Variants in DIPK1A observed in about 807,000 individuals in gnomAD.
The protein encoded by DIPK1A is family with sequence similarity 69 member A.
In DIPK1A, 27 loss-of-function variants were observed where a neutral mutation model predicts 40.8. The ratio of observed to expected loss-of-function variants is 0.66; its 90% CI spans 0.49 to 0.91. DIPK1A has a LOEUF of 0.91. DIPK1A is among the 40% of genes least tolerant of loss of function. The pLI, the probability that DIPK1A is intolerant of heterozygous loss-of-function variation, is 0.00. For synonymous variants in DIPK1A, 166 were observed against 171.3 expected (o/e 0.97, Z 0.24); for missense variants, 412 against 505.7 (o/e 0.81, Z 1.78).
chr1:92,900,365 A>T (rs946656202), intron 1 of DIPK1A, among the ~76,000 whole-genome samples: 1 of 151,702 alleles, frequency 6.6e-6, no homozygotes, highest in Non-Finnish European at 1.5e-5. Context: ...AAATCCAGAG[A>T]TTCTTCTGCT....
At chr1:92,921,779 A>G (rs987890904) in intron 1 of DIPK1A, among the ~76,000 whole-genome samples, 2 of 152,204 alleles carry the variant, frequency 1.3e-5, no homozygotes, top group Non-Finnish European at 2.9e-5. Context: ...AGTCATCTAT[A>G]AAAGGTACAA....
At chr1:92,833,797 A>G in intron 4 of DIPK1A, 2 of 716,902 alleles carry the variant, frequency 2.8e-6, no homozygotes, top group Non-Finnish European at 2.4e-6. Flanking sequence ...TCCTTTTAGT[A>G]GGTCTAGAAT....
intron 1 of DIPK1A, among the ~76,000 whole-genome samples, chr1:92,954,455 G>A (rs956937309): frequency 2.4e-5 from 3 of 127,094 alleles, no homozygotes; most frequent in Non-Finnish European, 4.7e-5. Context: ...TTGGCTCACT[G>A]CAACCTCCAA....
At chr1:92,888,970 C>A (rs923944580) in intron 1 of DIPK1A, among the ~76,000 whole-genome samples, 1 of 152,126 alleles carries the variant, frequency 6.6e-6, no homozygotes, top group East Asian at 1.9e-4. Context: ...CACGTTGTCT[C>A]TTCACTCTGT....
intron 1 of DIPK1A, among the ~76,000 whole-genome samples, chr1:92,936,839 T>C (rs768609409): frequency 3.9e-5 from 6 of 152,164 alleles, no homozygotes; most frequent in African/African-American, 9.7e-5. Context: ...AGATCTTTGG[T>C]GAAAACTGTA....
At chr1:92,854,474 C>T (rs771166579) in intron 2 of DIPK1A, among the ~76,000 whole-genome samples, 6 of 152,178 alleles carry the variant, frequency 3.9e-5, no homozygotes, top group Admixed American at 1.3e-4. Context: ...GCCTCCTGTA[C>T]CCTCCTACCA....
intron 1 of DIPK1A, among the ~76,000 whole-genome samples, chr1:92,883,090 T>C (rs1648451239): frequency 6.6e-6 from 1 of 152,202 alleles, no homozygotes; most frequent in Non-Finnish European, 1.5e-5. Flanking sequence ...CTGAAGACTA[T>C]AATCCTTTCC....
intron 1 of DIPK1A, among the ~76,000 whole-genome samples, chr1:92,877,490 A>T (rs1243201315): frequency 6.6e-6 from 1 of 152,236 alleles, no homozygotes; most frequent in Non-Finnish European, 1.5e-5. Context: ...AGAGAGACAT[A>T]AGCACACCTG....
intron 2 of DIPK1A, among the ~76,000 whole-genome samples, chr1:92,869,732 T>G (rs1279077505): frequency 6.9e-6 from 1 of 144,642 alleles, no homozygotes; most frequent in Non-Finnish European, 1.6e-5. Flanking sequence ...TTTAAGATTA[T>G]GCAGTTTTAT....
chr1:92,946,672 G>A (rs1004716236), intron 1 of DIPK1A, among the ~76,000 whole-genome samples: 29 of 152,148 alleles, frequency 1.9e-4, no homozygotes, highest in Admixed American at 1.3e-4. Flanking sequence ...GGCTGGGCCC[G>A]ATGGCTCATG....
chr1:92,929,890 C>T (rs1650677479), intron 1 of DIPK1A, among the ~76,000 whole-genome samples: 7 of 152,218 alleles, frequency 4.6e-5, no homozygotes, highest in Admixed American at 4.6e-4. Flanking sequence ...GAACCAGCAG[C>T]TTTCAGAGCT....
intron 1 of DIPK1A, among the ~76,000 whole-genome samples, chr1:92,888,370 T>C (rs1250872846): frequency 1.3e-5 from 2 of 152,220 alleles, no homozygotes; most frequent in Admixed American, 6.5e-5. Context: ...CAAAATTTCA[T>C]TGCTTTTTAT....
At chr1:92,944,221 G>A (rs1375903594) in intron 1 of DIPK1A, among the ~76,000 whole-genome samples, 1 of 151,996 alleles carries the variant, frequency 6.6e-6, no homozygotes, top group Non-Finnish European at 1.5e-5. Flanking sequence ...AAGACATAAA[G>A]AACCAATCCA....
chr1:92,958,978 A>G (rs1456267236), intron 1 of DIPK1A, among the ~76,000 whole-genome samples: 1 of 152,188 alleles, frequency 6.6e-6, no homozygotes, highest in African/African-American at 2.4e-5. Context: ...GTGATGCCTG[A>G]GGTTTACTTT....
intron 2 of DIPK1A, among the ~76,000 whole-genome samples, chr1:92,873,425 G>A (rs1187399772): frequency 6.6e-6 from 1 of 152,014 alleles, no homozygotes; most frequent in African/African-American, 2.4e-5. Flanking sequence ...GACCAGCCTG[G>A]CCAACATGGC....
chr1:92,902,396 G>T (rs1649454705), intron 1 of DIPK1A, among the ~76,000 whole-genome samples: 1 of 152,182 alleles, frequency 6.6e-6, no homozygotes, highest in Admixed American at 6.5e-5. Flanking sequence ...CAGTGGCTCA[G>T]CCTCAGGGAT....
Position 92,843,765 on chromosome 1 carries a change from T to C in DIPK1A, c.905A>G (p.Tyr302Cys), listed in dbSNP as rs963907707. 4 of 1,551,786 alleles carry C rather than the reference T, an allele frequency of 2.6e-6. No homozygotes were observed. Among genetic ancestry groups the C allele is most frequent in the Non-Finnish European group, 3.5e-6 (4 of 1,147,038 alleles). Residue 302 changes from tyrosine to cysteine, a missense_variant, in exon 5 of 5, where the codon TAT (tyrosine) becomes TGT (cysteine). Tyr to Cys is a radical substitution (Grantham distance 194, BLOSUM62 -2). Transcript: ENST00000370310. ...MCDTSAKNLG[Y>C]NDKYDLKMVD... ...CATTTTCAAATCATACTTATCATTATATCCTAGGTTTTTGGCACTAGTATC... is the reference window on the plus strand; with the variant it reads ...CATTTTCAAATCATACTTATCATTACATCCTAGGTTTTTGGCACTAGTATC...
intron 1 of DIPK1A, chr1:92,932,058 C>T (rs1368237196): frequency 2.3e-5 from 12 of 521,226 alleles, no homozygotes; most frequent in East Asian, 6.4e-5. Context: ...ATAAAACTTT[C>T]GGAATTCCAG....
In DIPK1A at chr1:92,843,244, C is replaced by A; in HGVS notation, c.*139G>T. 7.0e-7 allele frequency: 1 copy of A among 1,436,524 alleles called. No homozygotes were observed. The highest frequency in any genetic ancestry group is 2.5e-5 in the East Asian group (1 of 39,270). The allele number at this position is 1,436,524 out of a possible 1,614,324, so 89.0% of individuals were successfully genotyped here. ...CTACACCTGCCATTACTTCAGTGAT[C>A]ACATACTGATGGCTTCTCAGGCCTG... On this transcript the variant is annotated 3_prime_UTR_variant, in exon 5 of 5. Transcript: ENST00000370310.
Sources: allele counts gnomAD v4.1 joint callset (sites outside exome capture counted in the v4.1 genomes callset), GRCh38; gene constraint gnomAD v4.1.1; transcripts MANE v1.5; gene names NCBI Gene and HGNC (gene_info 2026-07-23, HGNC 2026-07-21).